The following CSTPP1 variants were observed in gnomAD, a reference collection of about 807,000 sequenced individuals.
CSTPP1 encodes centriolar satellite-associated tubulin polyglutamylase complex regulator 1.
the CSTPP1 span, among the ~76,000 whole-genome samples, chr11:47,015,883 AG>A: frequency 6.6e-6 from 1 of 152,172 alleles, no homozygotes; most frequent in Admixed American, 6.5e-5. Flanking sequence ...CCATATAAAA[AG>A]AAAAAAAAAG....
At chr11:47,149,930 C>T in the CSTPP1 span, among the ~76,000 whole-genome samples, 1 of 151,934 alleles carries the variant, frequency 6.6e-6, no homozygotes, top group African/African-American at 2.4e-5. Context: ...TACAAATCAG[C>T]CACAATCCTA....
At chr11:46,980,171 C>A in the CSTPP1 span, among the ~76,000 whole-genome samples, 26 of 152,176 alleles carry the variant, frequency 1.7e-4, no homozygotes, top group Non-Finnish European at 2.6e-4. Flanking sequence ...TCAAGGCACT[C>A]AGCTTTTCAC....
At chr11:47,003,802 C>A in the CSTPP1 span, among the ~76,000 whole-genome samples, 1 of 152,158 alleles carries the variant, frequency 6.6e-6, no homozygotes, top group Non-Finnish European at 1.5e-5. Context: ...TCCTGGGTGG[C>A]CGTAGAAGCA....
At chr11:47,111,835 T>A in the CSTPP1 span, among the ~76,000 whole-genome samples, 1 of 152,226 alleles carries the variant, frequency 6.6e-6, no homozygotes, top group Admixed American at 6.5e-5. Flanking sequence ...TAAATACAGA[T>A]GTAGATACCA....
chr11:47,123,881 G>A, the CSTPP1 span, among the ~76,000 whole-genome samples: 2 of 151,810 alleles, frequency 1.3e-5, no homozygotes, highest in African/African-American at 4.8e-5. Context: ...GAACCCGGGA[G>A]GCGGACGTTG....
chr11:47,105,462 C>T, the CSTPP1 span, among the ~76,000 whole-genome samples: 1 of 152,094 alleles, frequency 6.6e-6, no homozygotes, highest in Non-Finnish European at 1.5e-5. Flanking sequence ...GATCATACAA[C>T]TGTACTCCAG....
At chr11:47,029,487 T>G in the CSTPP1 span, among the ~76,000 whole-genome samples, 4 of 151,876 alleles carry the variant, frequency 2.6e-5, no homozygotes, top group Non-Finnish European at 1.5e-5. Flanking sequence ...TGGGCACCTG[T>G]AGTCCCAGCT....
At chr11:47,046,875 A>G in the CSTPP1 span, among the ~76,000 whole-genome samples, 1 of 146,018 alleles carries the variant, frequency 6.8e-6, no homozygotes, top group Admixed American at 6.9e-5. Context: ...CATGTTGGTC[A>G]GGCTGGTTGA....
the CSTPP1 span, among the ~76,000 whole-genome samples, chr11:46,976,462 G>A: frequency 2.4e-4 from 37 of 151,866 alleles, 2 homozygotes; most frequent in Middle Eastern, 6.8e-3. Flanking sequence ...GTATAGAATC[G>A]TGGGGAATTT....
At chr11:47,075,063 C>G in the CSTPP1 span, among the ~76,000 whole-genome samples, 8 of 152,190 alleles carry the variant, frequency 5.3e-5, no homozygotes, top group Non-Finnish European at 1.0e-4. Flanking sequence ...TTTGCTGTCT[C>G]TGTAGAGCAC....
At chr11:47,048,439 C>A in the CSTPP1 span, among the ~76,000 whole-genome samples, 1 of 151,342 alleles carries the variant, frequency 6.6e-6, no homozygotes, top group Non-Finnish European at 1.5e-5. Flanking sequence ...CCAGCCTGGG[C>A]AACATAGGGA....
chr11:47,004,093 G>A, the CSTPP1 span, among the ~76,000 whole-genome samples: 2 of 151,700 alleles, frequency 1.3e-5, no homozygotes, highest in African/African-American at 4.8e-5. Flanking sequence ...AATGGCATCA[G>A]AGTTGAAGAT....
the CSTPP1 span, among the ~76,000 whole-genome samples, chr11:46,973,609 G>A: frequency 1.3e-5 from 2 of 152,240 alleles, no homozygotes; most frequent in East Asian, 3.9e-4. Context: ...GATAAATAAA[G>A]GATATCTCAA....
At chr11:47,161,627 T>A in the CSTPP1 span, 1 of 1,612,272 alleles carries the variant, frequency 6.2e-7, no homozygotes, top group Non-Finnish European at 8.5e-7. Context: ...GACAGACGAG[T>A]CGGAGACTTG....
chr11:46,973,186 C>T, the CSTPP1 span, among the ~76,000 whole-genome samples: 10 of 152,142 alleles, frequency 6.6e-5, no homozygotes, highest in South Asian at 2.1e-4. Flanking sequence ...GATGTCAGTA[C>T]GTCTCTTAAG....
At chr11:47,025,077 T>C in the CSTPP1 span, among the ~76,000 whole-genome samples, 1 of 152,198 alleles carries the variant, frequency 6.6e-6, no homozygotes, top group Non-Finnish European at 1.5e-5. Context: ...TAGGAGTTCC[T>C]AGTTACTACA....
the CSTPP1 span, among the ~76,000 whole-genome samples, chr11:47,030,569 T>C: frequency 5.9e-5 from 9 of 152,334 alleles, no homozygotes; most frequent in South Asian, 1.0e-3. Flanking sequence ...GTTTGTTACA[T>C]AGGTAAACTT....
chr11:46,942,306 T>C, the CSTPP1 span, among the ~76,000 whole-genome samples: 2 of 152,218 alleles, frequency 1.3e-5, no homozygotes. Context: ...AGTGGAAGCT[T>C]CTGCCAGAGG....
the CSTPP1 span, among the ~76,000 whole-genome samples, chr11:47,073,954 G>T: frequency 6.6e-6 from 1 of 152,104 alleles, no homozygotes; most frequent in Non-Finnish European, 1.5e-5. Context: ...TCATCTCTGT[G>T]CACAAGCTTG....
Sources: allele counts gnomAD v4.1 joint callset (sites outside exome capture counted in the v4.1 genomes callset), GRCh38; gene constraint gnomAD v4.1.1; transcripts MANE v1.5; gene names NCBI Gene and HGNC (gene_info 2026-07-23, HGNC 2026-07-21).